The following PSMA1 variants were observed in gnomAD, a reference collection of about 807,000 sequenced individuals.
PSMA1 encodes proteasome 20S subunit alpha 1.
A neutral mutation model predicts 38.4 loss-of-function variants in PSMA1; 3 were observed. The observed-to-expected ratio is 0.08, with a 90% CI of 0.04 to 0.20. The LOEUF (loss-of-function observed/expected upper bound fraction) is 0.20, where lower values mean the gene tolerates loss of function less well. Among genes scored for constraint, PSMA1 ranks in the 10% least tolerant of loss-of-function variants. The probability of loss-of-function intolerance (pLI) is 1.00; values close to 1 mark genes in which losing one functional copy is unlikely to be tolerated. For synonymous variants in PSMA1, 101 were observed against 107.1 expected (o/e 0.94, Z 0.35); for missense variants, 227 against 325.3 (o/e 0.70, Z 2.32).
intron 8 of PSMA1, among the ~76,000 whole-genome samples, chr11:14,509,500 T>C (rs1272720525): frequency 6.6e-6 from 1 of 152,016 alleles, no homozygotes; most frequent in African/African-American, 2.4e-5. Context: ...ATCTGTTTTT[T>C]TTTTTTTTGA....
intron 2 of PSMA1, among the ~76,000 whole-genome samples, chr11:14,583,312 A>G (rs2134184456): frequency 6.6e-6 from 1 of 152,328 alleles, no homozygotes; most frequent in South Asian, 2.1e-4. Flanking sequence ...CTAAATTATG[A>G]ATAAATTCCA....
intron 2 of PSMA1, among the ~76,000 whole-genome samples, chr11:14,540,031 A>T (rs1363823824): frequency 6.6e-6 from 1 of 152,238 alleles, no homozygotes. Context: ...TCTAAGCAGC[A>T]GGAACCTCTC....
At chr11:14,642,693 G>A (rs1590021102) in intron 1 of PSMA1, among the ~76,000 whole-genome samples, 1 of 152,192 alleles carries the variant, frequency 6.6e-6, no homozygotes, top group Non-Finnish European at 1.5e-5. Context: ...AGCTTAGGGA[G>A]GGAAACACAG....
intron 2 of PSMA1, among the ~76,000 whole-genome samples, chr11:14,548,480 A>G (rs1851852085): frequency 6.6e-6 from 1 of 152,232 alleles, no homozygotes; most frequent in South Asian, 2.1e-4. Flanking sequence ...ATACACATGT[A>G]TAGATACAGT....
At chr11:14,551,776 A>G (rs576631389) in intron 2 of PSMA1, among the ~76,000 whole-genome samples, 2 of 152,376 alleles carry the variant, frequency 1.3e-5, no homozygotes, top group Admixed American at 6.5e-5. Flanking sequence ...GAGGATCATG[A>G]AAGTCTACTT....
At chr11:14,567,642 C>A (rs1413657661) in intron 2 of PSMA1, among the ~76,000 whole-genome samples, 1 of 152,182 alleles carries the variant, frequency 6.6e-6, no homozygotes, top group Non-Finnish European at 1.5e-5. Flanking sequence ...TGCGCAGATC[C>A]GTGACAAATG....
rs146492659 is a variant in PSMA1, at chr11:14,622,347, A to C, written c.-165-11196T>G. Reference sequence around the variant, plus strand: ...ACACTTTTGACTTAGAGCTATGTTAATGTTCCTGCCTTCTGTCATAATATA... The same window carrying C: ...ACACTTTTGACTTAGAGCTATGTTACTGTTCCTGCCTTCTGTCATAATATA... On this transcript the variant is annotated intron_variant, in intron 1 of 10. Transcript: ENST00000418988. Among the ~76,000 whole-genome samples the C allele has an allele frequency of 4.0e-4, 61 of 152,320 alleles. No individual in the cohort carries two copies. The East Asian group carries it at 0.011, about 27-fold the overall frequency.
intron 2 of PSMA1, among the ~76,000 whole-genome samples, chr11:14,592,876 C>T (rs1276641244): frequency 6.6e-6 from 1 of 152,184 alleles, no homozygotes. Context: ...CCTAATCCTC[C>T]TATCTAAAAC....
At chr11:14,592,209 C>T (rs920446222) in intron 2 of PSMA1, among the ~76,000 whole-genome samples, 3 of 152,032 alleles carry the variant, frequency 2.0e-5, no homozygotes, top group Non-Finnish European at 4.4e-5. Context: ...ACACTCACCG[C>T]GAGGGTCCGC....
At chr11:14,623,162 G>T (rs146754277) in intron 1 of PSMA1, among the ~76,000 whole-genome samples, 209 of 152,296 alleles carry the variant, frequency 1.4e-3, no homozygotes, top group South Asian at 8.7e-3. Flanking sequence ...AATTGCATGC[G>T]CAGGTAGCTC....
chr11:14,569,201 C>T (rs555400571), intron 2 of PSMA1, among the ~76,000 whole-genome samples: 14 of 152,254 alleles, frequency 9.2e-5, no homozygotes, highest in African/African-American at 3.1e-4. Context: ...GCTCTGCTTC[C>T]TATTGAATGC....
chr11:14,603,049 G>A (rs1447710394), intron 2 of PSMA1, among the ~76,000 whole-genome samples: 1 of 152,210 alleles, frequency 6.6e-6, no homozygotes, highest in African/African-American at 2.4e-5. Flanking sequence ...CATCAGCTTG[G>A]AACATCAGCC....
At chr11:14,547,868 T>C (rs2134167267) in intron 2 of PSMA1, among the ~76,000 whole-genome samples, 1 of 152,084 alleles carries the variant, frequency 6.6e-6, no homozygotes, top group Non-Finnish European at 1.5e-5. Context: ...GTGATTCTGA[T>C]TGGAACAGAA....
At chr11:14,595,545 T>A (rs943134070) in intron 2 of PSMA1, among the ~76,000 whole-genome samples, 2 of 152,260 alleles carry the variant, frequency 1.3e-5, no homozygotes, top group African/African-American at 4.8e-5. Context: ...GCTGCATAGA[T>A]GTCTTCTTTG....
chr11:14,601,227 G>A (rs147230455), intron 2 of PSMA1, among the ~76,000 whole-genome samples: 2 of 152,260 alleles, frequency 1.3e-5, no homozygotes, highest in Non-Finnish European at 2.9e-5. Context: ...GCCTAAACTG[G>A]GGGGAGTGGG....
At chr11:14,624,728 G>C (rs1444003530) in intron 1 of PSMA1, among the ~76,000 whole-genome samples, 1 of 152,180 alleles carries the variant, frequency 6.6e-6, no homozygotes, top group African/African-American at 2.4e-5. Flanking sequence ...AGACAATAAG[G>C]ATAGGAATAT....
chr11:14,611,773 G>GCT (rs1351535925), intron 1 of PSMA1, among the ~76,000 whole-genome samples: 1 of 151,444 alleles, frequency 6.6e-6, no homozygotes, highest in Non-Finnish European at 1.5e-5. Context: ...TCCCTTCCAT[G>GCT]CTCTCTCTCT....
chr11:14,623,179 G>A (rs1450949405), intron 1 of PSMA1, among the ~76,000 whole-genome samples: 1 of 152,216 alleles, frequency 6.6e-6, no homozygotes, highest in African/African-American at 2.4e-5. Context: ...GCTCAGACCA[G>A]CATGTCATTC....
chr11:14,566,613 C>T (rs536074907), intron 2 of PSMA1, among the ~76,000 whole-genome samples: 2 of 152,126 alleles, frequency 1.3e-5, no homozygotes, highest in African/African-American at 4.8e-5. Flanking sequence ...AAAATTCTGC[C>T]CAAACACATG....
Sources: gnomAD v4.1 joint callset for allele counts (sites outside exome capture counted in the v4.1 genomes callset) on GRCh38, gnomAD v4.1.1 for gene constraint, MANE v1.5 for transcripts, NCBI Gene and HGNC (gene_info 2026-07-23, HGNC 2026-07-21) for gene names.